Variants in SLC35E1 observed in about 807,000 individuals in gnomAD.
SLC35E1 encodes solute carrier family 35, member E1.
Under a neutral mutation model 31.0 loss-of-function variants are expected in SLC35E1, and 12 were observed. The ratio of observed to expected loss-of-function variants is 0.39; its 90% CI spans 0.25 to 0.63. SLC35E1 has a LOEUF of 0.63. Among genes scored for constraint, SLC35E1 ranks in the 20% least tolerant of loss-of-function variants. SLC35E1 has a pLI of 0.52. For synonymous variants in SLC35E1, 257 were observed against 264.1 expected (o/e 0.97, Z 0.26); for missense variants, 429 against 572.2 (o/e 0.75, Z 2.55).
Position 16,566,589 on chromosome 19 carries a change from A to T in SLC35E1, c.699T>A (p.Phe233Leu), listed in dbSNP as rs1344481248. 5.6e-6 allele frequency: 9 copies of T among 1,612,744 alleles called. No individual in the cohort carries two copies. The highest frequency in any genetic ancestry group is 6.8e-6 in the Non-Finnish European group (8 of 1,180,024). Residue 233 changes from phenylalanine (F) to leucine (L), a missense_variant, in exon 4 of 6, where the codon TTT (phenylalanine) becomes TTA (leucine). Physicochemically the swap from Phe to Leu is conservative, Grantham distance 22 (BLOSUM62 0). Coordinates refer to ENST00000595753, the MANE Select transcript of SLC35E1 (RefSeq NM_024881.5). The stretch of plus-strand genomic sequence containing the variant: ...CCACCAGAACCCAGGTGGGGATCAT[A>T]AAGAAGACGGCGTGGCAGCCCAGGA... The part of the protein sequence containing the change: ...LNILGCHAVF[F>L]MIPTWVLVDL...
At chr19:16,571,690 G>A (rs2085959500) in intron 1 of SLC35E1, 108 bp from the exon 2 acceptor site, 2 of 1,227,860 alleles carry the variant, frequency 1.6e-6, no homozygotes, top group Non-Finnish European at 2.4e-6. Flanking sequence ...ACACCTCTTC[G>A]CCCCTTCTCT....
In SLC35E1 at chr19:16,552,336, GGTTTT is replaced by G. The variant is rs1057106627; in HGVS notation, c.*1338_*1342del. 5.9e-5 allele frequency: 9 copies of G among 151,522 alleles called. No homozygotes were observed. The highest frequency in any genetic ancestry group is 1.0e-4 in the Non-Finnish European group (7 of 67,846). 9.4% of individuals were successfully genotyped at this position (151,522 alleles called of 1,614,324 possible). A position where few individuals can be genotyped will look rare whatever the true frequency, so the allele number is the denominator to read the frequency against. On this transcript the variant is annotated 3_prime_UTR_variant, in exon 6 of 6. Coordinates refer to ENST00000595753, the MANE Select transcript of SLC35E1 (RefSeq NM_024881.5). Reference sequence around the variant, plus strand: ...AGACAGGCATCACCAGTGGGAACTTGGTTTTGTTTTGTTTTTTTTTTTGAGATGGA... The same window carrying G: ...AGACAGGCATCACCAGTGGGAACTTGGTTTTGTTTTTTTTTTTGAGATGGA...
In SLC35E1 at chr19:16,572,185, G is replaced by T. The variant is rs745642794; in HGVS notation, c.180C>A (p.Thr60=). ...GAGCCAGGATGTGGCACAGCGACAC[G>T]GTCACCGGGAACGGGAAGGCGCTCA... ...VILSAFPFPV[T]VSLCHILALC... Residue 60 remains threonine, a synonymous_variant, in exon 1 of 6, where the codon ACC becomes ACA. Coordinates refer to ENST00000595753, the MANE Select transcript of SLC35E1 (RefSeq NM_024881.5). The surrounding 1 kb of genome is among the most constrained non-coding windows in gnomAD (Gnocchi z 4.1). The T allele has an allele frequency of 3.9e-6, 6 of 1,531,790 alleles. No individual in the cohort carries two copies. In the South Asian group the frequency reaches 7.3e-5, roughly 19 times the overall value. The allele number at this position is 1,531,790 out of a possible 1,614,324, so 94.9% of individuals were successfully genotyped here.
At chr19:16,570,390 A>C (rs1418251146) in intron 2 of SLC35E1, among the ~76,000 whole-genome samples, 4 of 152,232 alleles carry the variant, frequency 2.6e-5, no homozygotes, top group Non-Finnish European at 5.9e-5. Flanking sequence ...AAGCCGATCC[A>C]GGGCACTACC....
Position 16,553,446 on chromosome 19 carries a change from G to A in SLC35E1, c.*233C>T, listed in dbSNP as rs569335977. The A allele has an allele frequency of 6.9e-5, 25 of 363,770 alleles. No individual in the cohort carries two copies. In the South Asian group the frequency reaches 2.8e-3, roughly 41 times the overall value. The allele number at this position is 363,770 out of a possible 1,614,324, so 22.5% of individuals were successfully genotyped here. A position where few individuals can be genotyped will look rare whatever the true frequency, so the allele number is the denominator to read the frequency against. On this transcript the variant is annotated 3_prime_UTR_variant, in exon 6 of 6. Coordinates refer to ENST00000595753, the MANE Select transcript of SLC35E1 (RefSeq NM_024881.5). ...TCAGATGACAGACTCCAGGAAGAAAGAGCATGAGACACTGGTCTCTGTTTA... is the reference window on the plus strand; with the variant it reads ...TCAGATGACAGACTCCAGGAAGAAAAAGCATGAGACACTGGTCTCTGTTTA...
In SLC35E1 at chr19:16,551,416, AAAAC is replaced by A. The variant is rs1293741242; in HGVS notation, c.*2259_*2262del. 5 of 152,192 alleles carry A rather than the reference AAAAC, an allele frequency of 3.3e-5. No homozygotes were observed. Among genetic ancestry groups the A allele is most frequent in the Non-Finnish European group, 7.3e-5 (5 of 68,038 alleles). The allele number at this position is 152,192 out of a possible 1,614,324, so 9.4% of individuals were successfully genotyped here. ...TAAATACAGAATTCCAATTGAAAGAAAAACAAACAACAACAAAAGAAACACCAGT... is the reference window on the plus strand; with the variant it reads ...TAAATACAGAATTCCAATTGAAAGAAAAACAACAACAAAAGAAACACCAGT... On this transcript the variant is annotated 3_prime_UTR_variant, in exon 6 of 6. Coordinates refer to ENST00000595753, the MANE Select transcript of SLC35E1 (RefSeq NM_024881.5).
rs1244056775 is a variant in SLC35E1, at chr19:16,552,202, T to C, written c.*1477A>G. 2 of 152,126 alleles carry C rather than the reference T, an allele frequency of 1.3e-5. No homozygotes were observed. The highest frequency in any genetic ancestry group is 4.8e-5 in the African/African-American group (2 of 41,434). The allele number at this position is 152,126 out of a possible 1,614,324, so 9.4% of individuals were successfully genotyped here. A position where few individuals can be genotyped will look rare whatever the true frequency, so the allele number is the denominator to read the frequency against. ...CTGTGGTCTTGTCTATTATACAAAA[T>C]ATTGAGATAATGTTCACGATTCATT... On this transcript the variant is annotated 3_prime_UTR_variant, in exon 6 of 6. Coordinates refer to ENST00000595753, the MANE Select transcript of SLC35E1 (RefSeq NM_024881.5).
intron 4 of SLC35E1, 102 bp downstream of exon 4, chr19:16,566,429 CA>C: frequency 6.5e-7 from 1 of 1,527,544 alleles, no homozygotes. Flanking sequence ...GTCAGGTGCC[CA>C]AAAGATACCA....
intron 4 of SLC35E1, chr19:16,564,904 A>G (rs886663184): frequency 3.2e-6 from 1 of 313,380 alleles, no homozygotes; most frequent in Non-Finnish European, 6.4e-6. Flanking sequence ...CGAAAGTTAG[A>G]AAAGTGAGCC....
chr19:16,562,472 A>G (rs2085911706), intron 4 of SLC35E1, among the ~76,000 whole-genome samples: 1 of 152,206 alleles, frequency 6.6e-6, no homozygotes, highest in South Asian at 2.1e-4. Context: ...TCCCTTTTAT[A>G]AAATGGTTTA....
chr19:16,569,851 C>CA (rs1196342180), intron 2 of SLC35E1, among the ~76,000 whole-genome samples: 1 of 152,148 alleles, frequency 6.6e-6, no homozygotes, highest in African/African-American at 2.4e-5. Context: ...CTCAGAAAAA[C>CA]AAACACTCTT....
At chr19:16,568,776 T>C (rs753911288) in intron 2 of SLC35E1, among the ~76,000 whole-genome samples, 2 of 152,158 alleles carry the variant, frequency 1.3e-5, no homozygotes, top group Non-Finnish European at 2.9e-5. Flanking sequence ...ACGTCATCCA[T>C]CCACCTTGGC....
Position 16,566,861 on chromosome 19 carries a change from G to T in SLC35E1, c.631-204C>A, listed in dbSNP as rs563635028. On this transcript the variant is annotated intron_variant, in intron 3 of 5. Transcript: ENST00000595753. The stretch of plus-strand genomic sequence containing the variant: ...CTCCACGCATAAACGACTGAGAAAA[G>T]AAAACAAAAATAAAACAGTAACACT... 5.3e-5 allele frequency among the ~76,000 whole-genome samples: 8 copies of T among 152,278 alleles called. No individual in the cohort carries two copies. The East Asian group carries it at 1.5e-3, about 29-fold the overall frequency.
At chr19:16,563,080 G>A (rs1485087948) in intron 4 of SLC35E1, among the ~76,000 whole-genome samples, 1 of 152,134 alleles carries the variant, frequency 6.6e-6, no homozygotes, top group African/African-American at 2.4e-5. Flanking sequence ...CAGCACTTTG[G>A]GAGGCCGAAG....
At position 16,555,305 on chromosome 19, in the gene SLC35E1, G is replaced by A. The variant is rs1450916247; in HGVS notation, c.849C>T (p.Leu283=). Reference sequence around the variant, plus strand: ...AGTAGCTCAGGGGGCTAACGAGGTTGAGGATGCTGAAGGCGATAACATTCT... The same window carrying A: ...AGTAGCTCAGGGGGCTAACGAGGTTAAGGATGCTGAAGGCGATAACATTCT... ...FAQNVIAFSI[L]NLVSPLSYSV... Residue 283 remains leucine (L), a synonymous_variant, in exon 5 of 6, where the codon CTC becomes CTT. Transcript: ENST00000595753. The surrounding 1 kb of genome is among the most constrained non-coding windows in gnomAD (Gnocchi z 4.1). 1 of 1,614,198 alleles carries A rather than the reference G, an allele frequency of 6.2e-7. No homozygotes were observed. The highest frequency in any genetic ancestry group is 8.5e-7 in the Non-Finnish European group (1 of 1,180,038).
intron 4 of SLC35E1, among the ~76,000 whole-genome samples, chr19:16,561,171 G>T (rs150387364): frequency 6.7e-5 from 8 of 119,018 alleles, no homozygotes; most frequent in African/African-American, 2.2e-4. Context: ...CTGAGATCAC[G>T]CCACTGCGCT....
intron 4 of SLC35E1, among the ~76,000 whole-genome samples, chr19:16,564,497 G>A (rs1399241390): frequency 6.6e-6 from 1 of 151,922 alleles, no homozygotes; most frequent in African/African-American, 2.4e-5. Context: ...GTAGAGATGG[G>A]GTTTCACCAC....
At chr19:16,571,443 G>C in intron 2 of SLC35E1, 69 bp downstream of exon 2, 2 of 1,535,290 alleles carry the variant, frequency 1.3e-6, no homozygotes, top group Non-Finnish European at 1.8e-6. Context: ...TCCTGACCAC[G>C]TCACCAGTTG....
intron 4 of SLC35E1, chr19:16,557,138 CA>C (rs199714649): frequency 5.5e-4 from 181 of 328,494 alleles, no homozygotes; most frequent in South Asian, 9.6e-4. Flanking sequence ...TGGTTTAAAA[CA>C]AAAAAAAAGA....
Sources: gnomAD v4.1 joint callset for allele counts (sites outside exome capture counted in the v4.1 genomes callset) on GRCh38, gnomAD v4.1.1 for gene constraint, Gnocchi (gnomAD v3.1) non-coding constraint, MANE v1.5 for transcripts, NCBI Gene and HGNC (gene_info 2026-07-23, HGNC 2026-07-21) for gene names.